Variants in MYO1H observed in about 807,000 individuals in gnomAD.
The protein encoded by MYO1H is unconventional myosin-Ih.
A neutral mutation model predicts 149.3 loss-of-function variants in MYO1H; 118 were observed. The ratio of observed to expected loss-of-function variants is 0.79; its 90% CI spans 0.68 to 0.92. The LOEUF is 0.92. MYO1H is among the 40% of genes least tolerant of loss of function. The pLI is 0.00. For synonymous variants in MYO1H, 447 were observed against 465.2 expected, an observed-to-expected ratio of 0.96 and a Z score of 0.50; for missense variants, 1,212 against 1,280.7, an observed-to-expected ratio of 0.95 and a Z score of 0.82.
chr12:109,390,778 G>T lies in MYO1H; in HGVS notation c.174+1934G>T, dbSNP rs796363709. On this transcript the variant is annotated intron_variant, in intron 2 of 31. Transcript: ENST00000310903. Reference sequence around the variant, plus strand: ...CCACCCGGGTTCAAGCAATTCTCCTGCCTCAGCCTCCCAAGTAGCTGGGAT... The same window carrying T: ...CCACCCGGGTTCAAGCAATTCTCCTTCCTCAGCCTCCCAAGTAGCTGGGAT... Among the ~76,000 whole-genome samples the T allele has an allele frequency of 1.7e-4, 26 of 152,070 alleles. 1 individual carries two copies. The highest frequency in any genetic ancestry group is 6.0e-4 in the African/African-American group (25 of 41,496).
intron 23 of MYO1H, 172 bp from the exon 24 acceptor site, chr12:109,439,459 G>T: frequency 2.1e-6 from 1 of 487,698 alleles, no homozygotes; most frequent in South Asian, 3.6e-5. Context: ...AAAACAAAAG[G>T]CCGTGTGGGT....
At chr12:109,323,523 C>T in the MYO1H span, among the ~76,000 whole-genome samples, 2 of 152,348 alleles carry the variant, frequency 1.3e-5, no homozygotes, top group East Asian at 3.9e-4. Flanking sequence ...GCCAGCCTCA[C>T]TTAGGTCCCT....
At chr12:109,397,711 A>C in intron 4 of MYO1H, 21 bp from the exon 5 acceptor site, 1 of 1,600,492 alleles carries the variant, frequency 6.2e-7, no homozygotes, top group East Asian at 2.3e-5. Context: ...AATGACAGTG[A>C]ATGACACTTT....
chr12:109,433,999 C>T (rs1158215230), intron 20 of MYO1H, among the ~76,000 whole-genome samples: 1 of 152,122 alleles, frequency 6.6e-6, no homozygotes, highest in African/African-American at 2.4e-5. Context: ...TCTCTGCTGG[C>T]TACTGTGATC....
At chr12:109,335,297 G>T in the MYO1H span, among the ~76,000 whole-genome samples, 1 of 152,064 alleles carries the variant, frequency 6.6e-6, no homozygotes, top group Non-Finnish European at 1.5e-5. Context: ...GCTTCACATG[G>T]CCAGAGCAGG....
intron 20 of MYO1H, 113 bp from the exon 21 acceptor site, chr12:109,434,924 A>G (rs1239792302): frequency 1.6e-6 from 1 of 633,756 alleles, no homozygotes; most frequent in Non-Finnish European, 2.8e-6. Context: ...ATTTCCAAAT[A>G]AGATGGTATT....
chr12:109,321,017 G>A, the MYO1H span, among the ~76,000 whole-genome samples: 29 of 152,096 alleles, frequency 1.9e-4, no homozygotes, highest in Non-Finnish European at 3.4e-4. Context: ...GAACCCAGGA[G>A]GCAGAGGTTG....
In MYO1H at chr12:109,350,548, G is replaced by A. The variant is rs56283874; in HGVS notation, c.12+2576G>A. On this transcript the variant is annotated intron_variant, in intron 1 of 31. Coordinates refer to ENST00000310903, the Ensembl canonical transcript of MYO1H. ...GGCCTCCCCAGCCACGTGGAACTGTGAGTGCATGGAACCTCTTTCCTTTGT... is the reference window on the plus strand; with the variant it reads ...GGCCTCCCCAGCCACGTGGAACTGTAAGTGCATGGAACCTCTTTCCTTTGT... 9.4e-3 allele frequency among the ~76,000 whole-genome samples: 1,428 copies of A among 152,280 alleles called. 31 individuals carry two copies. Among genetic ancestry groups the A allele is most frequent in the African/African-American group, 0.033 (1,375 of 41,560 alleles).
intron 16 of MYO1H, among the ~76,000 whole-genome samples, chr12:109,421,818 T>TTGC (rs1027190223): frequency 2.6e-5 from 4 of 152,094 alleles, no homozygotes; most frequent in African/African-American, 4.8e-5. Flanking sequence ...CTGAGAAGTG[T>TTGC]TGCTGCTGCT....
the MYO1H span, among the ~76,000 whole-genome samples, chr12:109,342,126 CTTT>C: frequency 2.4e-5 from 3 of 126,050 alleles, no homozygotes. Context: ...AAATTTGATT[CTTT>C]TTTTTTTTTT....
At chr12:109,394,498 A>G (rs7138357) in intron 3 of MYO1H, among the ~76,000 whole-genome samples, 82,294 of 151,904 alleles carry the variant, frequency 0.54, 23,456 homozygotes, top group African/African-American at 0.71. Context: ...TGAAAATAAC[A>G]TATAACCCAT....
At chr12:109,368,822 C>T (rs559175399) in intron 1 of MYO1H, among the ~76,000 whole-genome samples, 22 of 152,048 alleles carry the variant, frequency 1.4e-4, no homozygotes, top group Non-Finnish European at 2.9e-5. Context: ...TCTTCCTTCC[C>T]CCTCCAGCAG....
intron 15 of MYO1H, among the ~76,000 whole-genome samples, chr12:109,419,795 G>A (rs564303828): frequency 2.7e-5 from 4 of 150,940 alleles, no homozygotes; most frequent in East Asian, 1.9e-4. Context: ...TCCTAGGCTC[G>A]AGCTATCCTC....
intron 17 of MYO1H, 132 bp downstream of exon 17, chr12:109,424,960 T>G (rs1354233220): frequency 2.9e-6 from 2 of 688,350 alleles, no homozygotes; most frequent in Non-Finnish European, 5.1e-6. Flanking sequence ...ACTAAATATA[T>G]GCACCTGTAA....
chr12:109,405,406 GTTCAAGCAA>G (rs761956196), intron 7 of MYO1H, among the ~76,000 whole-genome samples: 1 of 152,144 alleles, frequency 6.6e-6, no homozygotes, highest in Non-Finnish European at 1.5e-5. Flanking sequence ...CGCCTCCCGG[GTTCAAGCAA>G]TTCTACTGCC....
rs372791875 is a variant in MYO1H, at chr12:109,424,812, G to A, written c.1709G>A (p.Arg570Gln). The change falls in exon 17 of 32, where the codon CGG becomes CAG. Residue 570 changes from arginine to glutamine, a missense_variant. Arg to Gln is a conservative substitution (Grantham distance 43, BLOSUM62 1). Transcript: ENST00000310903. ...TTCCTGCTGGCCGAGTTAGAAAACC[G>A]GAGGAGGCCCCCAACAGTGAGTGGG... 40 of 1,613,804 alleles carry A rather than the reference G, an allele frequency of 2.5e-5. No individual in the cohort carries two copies. Among genetic ancestry groups the A allele is most frequent in the East Asian group, 6.7e-5 (3 of 44,876 alleles).
chr12:109,407,201 T>C (rs1385095265), intron 9 of MYO1H, among the ~76,000 whole-genome samples: 1 of 152,154 alleles, frequency 6.6e-6, no homozygotes, highest in East Asian at 1.9e-4. Context: ...CAAGGAGCCT[T>C]CTCTGATCCT....
At chr12:109,337,689 A>G in the MYO1H span, among the ~76,000 whole-genome samples, 1 of 152,138 alleles carries the variant, frequency 6.6e-6, no homozygotes, top group African/African-American at 2.4e-5. Context: ...CGTGGGGATT[A>G]TGGGAGCTAC....
chr12:109,434,994 A>G, intron 20 of MYO1H, 43 bp from the exon 21 acceptor site: 1 of 1,360,450 alleles, frequency 7.4e-7, no homozygotes, highest in South Asian at 1.3e-5. Context: ...ACTAGATGGT[A>G]AACTGACCAA....
Sources: allele counts gnomAD v4.1 joint callset (sites outside exome capture counted in the v4.1 genomes callset), GRCh38; gene constraint gnomAD v4.1.1; transcripts MANE v1.5; gene names NCBI Gene and HGNC (gene_info 2026-07-23, HGNC 2026-07-21).